EFCAB5: variants seen among roughly 807,000 people sequenced by gnomAD.
The protein encoded by EFCAB5 is EF-hand calcium binding domain 5, also known as EF-hand calcium-binding domain-containing protein 5.
A neutral mutation model predicts 167.9 loss-of-function variants in EFCAB5; 131 were observed. The ratio of observed to expected loss-of-function variants is 0.78; its 90% CI spans 0.68 to 0.90. The LOEUF (loss-of-function observed/expected upper bound fraction) is 0.90, where lower values mean the gene tolerates loss of function less well. Ranked by LOEUF, EFCAB5 falls within the 40% of genes least tolerant of loss-of-function variation. The probability of loss-of-function intolerance (pLI) is 0.00; values close to 1 mark genes in which losing one functional copy is unlikely to be tolerated. For missense variants in EFCAB5, 1,663 were observed against 1,745.2 expected, an observed-to-expected ratio of 0.95 and a Z score of 0.84; for synonymous variants, 574 against 602.8, an observed-to-expected ratio of 0.95 and a Z score of 0.70.
At chr17:30,044,881 G>A (rs190760813) in intron 8 of EFCAB5, among the ~76,000 whole-genome samples, 44 of 152,232 alleles carry the variant, frequency 2.9e-4, no homozygotes, top group African/African-American at 9.9e-4. Flanking sequence ...ATTCATAATA[G>A]CTTTAAGTTG....
In EFCAB5 at chr17:30,053,388, C is replaced by CA. The variant is rs1481067843; in HGVS notation, c.1438dup (p.Thr480AsnfsTer4). Reference sequence around the variant, plus strand: ...CATTACTTTCTGCAAATCATGCTAGCAAAACCCAAAGTAAATTATTAGAAA... The same window carrying CA: ...CATTACTTTCTGCAAATCATGCTAGCAAAAACCCAAAGTAAATTATTAGAAA... On this transcript the variant is annotated frameshift_variant, in exon 10 of 23. Coordinates refer to ENST00000394835, the MANE Select transcript of EFCAB5 (RefSeq NM_198529.4). LOFTEE classifies it high-confidence loss of function. 1 of 1,613,804 alleles carries CA rather than the reference C, an allele frequency of 6.2e-7. No individual in the cohort carries two copies. Among genetic ancestry groups the CA allele is most frequent in the African/African-American group, 1.3e-5 (1 of 74,886 alleles).
At position 30,080,779 on chromosome 17, in the gene EFCAB5, C is replaced by A. The variant is rs2151835338; in HGVS notation, c.3224C>A (p.Pro1075Gln). 1 of 1,608,908 alleles carries A rather than the reference C, an allele frequency of 6.2e-7. No homozygotes were observed. Among genetic ancestry groups the A allele is most frequent in the Middle Eastern group, 1.8e-4 (1 of 5,672 alleles). ...ISFTVVDEGK[P>Q]IHVPQVQYHG... ...TTTACAGTAGTGGATGAAGGGAAGC[C>A]AATCCATGTTCCCCAAGTTCAGTAC... Residue 1075 changes from proline (P) to glutamine (Q), a missense_variant, in exon 17 of 23, where the codon CCA becomes CAA. Coordinates refer to ENST00000394835, the MANE Select transcript of EFCAB5 (RefSeq NM_198529.4).
At chr17:29,940,965 A>G (rs551143927), upstream of EFCAB5, among the ~76,000 whole-genome samples, 10 of 152,022 alleles carry the variant, frequency 6.6e-5, no homozygotes, top group Middle Eastern at 3.4e-3. Flanking sequence ...ACTTGAACCC[A>G]GGAGGCGGAG....
At chr17:29,952,468 TC>T (rs1342785698) in intron 3 of EFCAB5, among the ~76,000 whole-genome samples, 1 of 152,176 alleles carries the variant, frequency 6.6e-6, no homozygotes, top group African/African-American at 2.4e-5. Context: ...AATAGGATTG[TC>T]TTTATAGTAA....
In EFCAB5 at chr17:30,056,131, A is replaced by T. The variant is rs1435949074; in HGVS notation, c.2340A>T (p.Leu780Phe). The T allele has an allele frequency of 3.1e-6, 5 of 1,611,144 alleles. No homozygotes were observed. The highest frequency in any genetic ancestry group is 2.7e-5 in the African/African-American group (2 of 74,928). The change falls in exon 12 of 23, where the codon TTA becomes TTT. Residue 780 changes from leucine to phenylalanine, a missense_variant. By Grantham distance (22) the Leu-to-Phe change is conservative (BLOSUM62 0). Coordinates refer to ENST00000394835, the MANE Select transcript of EFCAB5 (RefSeq NM_198529.4). ...TTGAAGATGAGGAACAGGCAAACTT[A>T]ATCTATGGTAACTCCAGGTTCACAG... ...VTFEDEEQAN[L>F]IYGNSRFTDL...
chr17:29,940,880 A>G (rs1175716318), upstream of EFCAB5, among the ~76,000 whole-genome samples: 1 of 151,936 alleles, frequency 6.6e-6, no homozygotes, highest in African/African-American at 2.4e-5. Flanking sequence ...TCTCTACTAA[A>G]TGTACAAAAA....
chr17:29,981,801 T>C (rs2068181237), intron 4 of EFCAB5, among the ~76,000 whole-genome samples: 1 of 152,188 alleles, frequency 6.6e-6, no homozygotes, highest in Non-Finnish European at 1.5e-5. Context: ...TTTTCACACA[T>C]CCCTTAATTT....
intron 4 of EFCAB5, among the ~76,000 whole-genome samples, chr17:29,989,669 G>A (rs1275237642): frequency 6.7e-6 from 1 of 149,562 alleles, no homozygotes; most frequent in African/African-American, 2.6e-5. Flanking sequence ...CTATTTACCT[G>A]ATTTTTTCTT....
intron 4 of EFCAB5, among the ~76,000 whole-genome samples, chr17:29,973,269 G>A (rs2067996108): frequency 6.6e-6 from 1 of 152,092 alleles, no homozygotes; most frequent in African/African-American, 2.4e-5. Context: ...ACAAGATTGG[G>A]CCAAATCCTT....
intron 3 of EFCAB5, among the ~76,000 whole-genome samples, chr17:29,964,044 G>C (rs1040051092): frequency 6.6e-6 from 1 of 151,252 alleles, no homozygotes; most frequent in Non-Finnish European, 1.5e-5. Flanking sequence ...ACAGATGCTG[G>C]CACTGTTTCA....
intron 8 of EFCAB5, among the ~76,000 whole-genome samples, chr17:30,037,774 A>T (rs943759674): frequency 6.6e-6 from 1 of 152,226 alleles, no homozygotes; most frequent in African/African-American, 2.4e-5. Flanking sequence ...TTAGTAAATT[A>T]AAAAATACAC....
Position 29,973,777 on chromosome 17 carries a change from G to A in EFCAB5, c.767+4410G>A, listed in dbSNP as rs557514639. ...AGGCGTGAGCCACCGCGCCTGGCCT[G>A]TATTTCCTTTTATCTTACATAGAAA... On this transcript the variant is annotated intron_variant, in intron 4 of 22. Transcript: ENST00000394835. Among the ~76,000 whole-genome samples the A allele has an allele frequency of 7.3e-5, 11 of 151,588 alleles. No individual in the cohort carries two copies. In the East Asian group the frequency reaches 7.8e-4, roughly 11 times the overall value.
chr17:29,930,750 C>G (rs1262781697), intron 1 of EFCAB5, among the ~76,000 whole-genome samples: 6 of 152,194 alleles, frequency 3.9e-5, no homozygotes, highest in Admixed American at 2.0e-4. Flanking sequence ...GAAAGAAAAC[C>G]ATTTTCCGTT....
intron 14 of EFCAB5, among the ~76,000 whole-genome samples, chr17:30,075,994 A>G (rs552136083): frequency 5.3e-5 from 8 of 152,354 alleles, no homozygotes; most frequent in Admixed American, 5.2e-4. Context: ...AGTAAGAGAG[A>G]ACACAACCCA....
At position 30,013,422 on chromosome 17, in the gene EFCAB5, C is replaced by T. The variant is rs1314755245; in HGVS notation, c.1044+13446C>T. Among the ~76,000 whole-genome samples the T allele has an allele frequency of 2.0e-5, 3 of 152,100 alleles. No homozygotes were observed. In the East Asian group the frequency reaches 5.8e-4, roughly 29 times the overall value. Reference sequence around the variant, plus strand: ...CTCTGGTAGAATTCGGCTGTGAATCCATCTGGTCCTGGACTTTTTTTGGTT... The same window carrying T: ...CTCTGGTAGAATTCGGCTGTGAATCTATCTGGTCCTGGACTTTTTTTGGTT... On this transcript the variant is annotated intron_variant, in intron 7 of 22. Transcript: ENST00000394835.
At chr17:29,974,465 C>T (rs916212747) in intron 4 of EFCAB5, among the ~76,000 whole-genome samples, 1 of 151,674 alleles carries the variant, frequency 6.6e-6, no homozygotes, top group Non-Finnish European at 1.5e-5. Flanking sequence ...ATCACTTGAG[C>T]CTGGGAGATC....
chr17:30,067,538 AC>A (rs779814925), intron 14 of EFCAB5, among the ~76,000 whole-genome samples: 62 of 152,196 alleles, frequency 4.1e-4, no homozygotes, highest in Middle Eastern at 3.4e-3. Flanking sequence ...AGATGATTTA[AC>A]ATAAAATAAC....
intron 3 of EFCAB5, among the ~76,000 whole-genome samples, chr17:29,948,031 G>A (rs915719410): frequency 1.3e-5 from 2 of 152,150 alleles, no homozygotes; most frequent in East Asian, 1.9e-4. Flanking sequence ...TCACCATGTT[G>A]GCCAGGCTGG....
At chr17:29,997,317 G>A (rs1265424352) in intron 6 of EFCAB5, among the ~76,000 whole-genome samples, 1 of 151,642 alleles carries the variant, frequency 6.6e-6, no homozygotes, top group African/African-American at 2.4e-5. Flanking sequence ...TTACGACTTC[G>A]CTAGAAGACG....
Sources: gnomAD v4.1 joint callset for allele counts (sites outside exome capture counted in the v4.1 genomes callset) on GRCh38, gnomAD v4.1.1 for gene constraint, MANE v1.5 for transcripts, NCBI Gene and HGNC (gene_info 2026-07-23, HGNC 2026-07-21) for gene names.